ANKRD28: variants seen among roughly 807,000 people sequenced by gnomAD.
ANKRD28 encodes serine/threonine-protein phosphatase 6 regulatory ankyrin repeat subunit A.
ANKRD28 carries 44 observed loss-of-function variants against 126.5 expected under a neutral mutation model. The ratio of observed to expected loss-of-function variants is 0.35; its 90% confidence interval spans 0.27 to 0.45. The LOEUF (loss-of-function observed/expected upper bound fraction) is 0.45, where lower values mean the gene tolerates loss of function less well. ANKRD28 is among the 20% of genes least tolerant of loss of function. The pLI is 1.00. For synonymous variants in ANKRD28, 442 were observed against 468.5 expected, an observed-to-expected ratio of 0.94 and a Z score of 0.73; for missense variants, 1,110 against 1,316.6, an observed-to-expected ratio of 0.84 and a Z score of 2.43.
At chr3:15,835,506 T>G (rs529239570) in intron 1 of ANKRD28, among the ~76,000 whole-genome samples, 1 of 152,366 alleles carries the variant, frequency 6.6e-6, no homozygotes, top group South Asian at 2.1e-4. Flanking sequence ...CTGCCATCTC[T>G]AAACAAACAT....
chr3:15,675,400 T>G (rs1383192987), intron 27 of ANKRD28, among the ~76,000 whole-genome samples: 1 of 152,050 alleles, frequency 6.6e-6, no homozygotes, highest in Non-Finnish European at 1.5e-5. Context: ...GCAGTGAGAT[T>G]TATAAATTAT....
At chr3:15,714,236 G>C (rs1313181397) in intron 9 of ANKRD28, among the ~76,000 whole-genome samples, 1 of 152,006 alleles carries the variant, frequency 6.6e-6, no homozygotes, top group Non-Finnish European at 1.5e-5. Context: ...AGGGGAAAAT[G>C]ATACATGTAT....
chr3:15,729,870 T>C (rs1183449912), intron 6 of ANKRD28, among the ~76,000 whole-genome samples: 1 of 152,048 alleles, frequency 6.6e-6, no homozygotes, highest in Non-Finnish European at 1.5e-5. Flanking sequence ...TGCAATGAGG[T>C]GTTAAGGTAA....
At chr3:15,671,006 G>T (rs1000614543) in intron 27 of ANKRD28, among the ~76,000 whole-genome samples, 1 of 152,184 alleles carries the variant, frequency 6.6e-6, no homozygotes, top group Non-Finnish European at 1.5e-5. Flanking sequence ...TTGATGCTAA[G>T]AAATCTTAAA....
rs2061171470 is a variant in ANKRD28 at position 15,830,757 on chromosome 3, T to A, written c.27+28620A>T. On this transcript the variant is annotated intron_variant, in intron 1 of 27. Transcript: ENST00000399451. The surrounding 1 kb of genome is among the most constrained non-coding windows in gnomAD (Gnocchi z 4.5). ...TGTCCTGCTTGATAAAGAGTCGTTG[T>A]TTACCTGGGGGCTTTGGTCCATGAC... 6.6e-6 allele frequency among the ~76,000 whole-genome samples: 1 copy of A among 152,048 alleles called. No individual in the cohort carries two copies. Among genetic ancestry groups the A allele is most frequent in the Non-Finnish European group, 1.5e-5 (1 of 68,004 alleles).
chr3:15,819,307 T>G (rs2060894331), intron 1 of ANKRD28, among the ~76,000 whole-genome samples: 1 of 152,146 alleles, frequency 6.6e-6, no homozygotes, highest in Non-Finnish European at 1.5e-5. Flanking sequence ...AAGATAGTGA[T>G]ATTGGAGTAA....
chr3:15,709,481 A>G (rs1575301154), intron 13 of ANKRD28, among the ~76,000 whole-genome samples, 187 bp downstream of exon 13: 1 of 152,130 alleles, frequency 6.6e-6, no homozygotes, highest in South Asian at 2.1e-4. Context: ...TGTGGTAGGG[A>G]CTCAAGAAGA....
At chr3:15,819,466 A>C (rs1455640076) in intron 1 of ANKRD28, among the ~76,000 whole-genome samples, 8 of 152,212 alleles carry the variant, frequency 5.3e-5, no homozygotes, top group Non-Finnish European at 1.2e-4. Flanking sequence ...AAACAACTGG[A>C]TAATTCATTT....
intron 1 of ANKRD28, among the ~76,000 whole-genome samples, chr3:15,822,069 T>C (rs144983361): frequency 2.1e-3 from 322 of 152,260 alleles, no homozygotes; most frequent in African/African-American, 7.4e-3. Flanking sequence ...AAAGCTCCCA[T>C]ATATAATAGA....
At chr3:15,694,300 G>C (rs945595236) in intron 17 of ANKRD28, among the ~76,000 whole-genome samples, 7 of 152,240 alleles carry the variant, frequency 4.6e-5, no homozygotes, top group African/African-American at 1.7e-4. Context: ...TAAAGGACCA[G>C]TGAACACACA....
chr3:15,691,995 C>A (rs1327282327), intron 17 of ANKRD28, among the ~76,000 whole-genome samples: 1 of 151,818 alleles, frequency 6.6e-6, no homozygotes, highest in African/African-American at 2.4e-5. Context: ...AATAAATAAG[C>A]TGGACCTGGT....
intron 18 of ANKRD28, among the ~76,000 whole-genome samples, chr3:15,686,607 G>A (rs1399993936): frequency 2.0e-5 from 3 of 152,148 alleles, no homozygotes; most frequent in African/African-American, 7.2e-5. Flanking sequence ...ATGTGGTCAG[G>A]AAGAGTGCCT....
Position 15,838,785 on chromosome 3 carries a change from C to A in ANKRD28, c.27+20592G>T, listed in dbSNP as rs565570694. Among the ~76,000 whole-genome samples the A allele has an allele frequency of 6.6e-6, 1 of 151,952 alleles. No individual in the cohort carries two copies. The highest frequency in any genetic ancestry group is 2.4e-5 in the African/African-American group (1 of 41,456). On this transcript the variant is annotated intron_variant, in intron 1 of 27. Transcript: ENST00000399451. The surrounding 1 kb of genome is among the most constrained non-coding windows in gnomAD (Gnocchi z 4.0). ...AAAATCTTCGCAAGAGAAGTTAAAA[C>A]GTGTCCATACACAGACTCATACATG...
At chr3:15,810,312 A>G (rs1302358325) in intron 1 of ANKRD28, among the ~76,000 whole-genome samples, 1 of 152,130 alleles carries the variant, frequency 6.6e-6, no homozygotes, top group African/African-American at 2.4e-5. Context: ...AATACCATTG[A>G]TAAGTATTTC....
intron 9 of ANKRD28, among the ~76,000 whole-genome samples, 175 bp downstream of exon 9, chr3:15,714,403 G>T (rs1233820329): frequency 6.6e-6 from 1 of 151,882 alleles, no homozygotes; most frequent in Admixed American, 6.6e-5. Context: ...GAAAGATACA[G>T]CTACGTGGTA....
chr3:15,704,783 C>A (rs1381515044), intron 14 of ANKRD28, among the ~76,000 whole-genome samples: 2 of 152,194 alleles, frequency 1.3e-5, no homozygotes, highest in African/African-American at 2.4e-5. Flanking sequence ...TAAAAGGATG[C>A]CTCTGGTATC....
chr3:15,708,378 A>C (rs1347154469), intron 13 of ANKRD28, among the ~76,000 whole-genome samples: 1 of 152,162 alleles, frequency 6.6e-6, no homozygotes, highest in Non-Finnish European at 1.5e-5. Context: ...AAATGTGAAA[A>C]CTTTCATTTT....
chr3:15,692,084 G>A (rs2068875930), intron 17 of ANKRD28, among the ~76,000 whole-genome samples: 1 of 149,982 alleles, frequency 6.7e-6, no homozygotes, highest in African/African-American at 2.4e-5. Flanking sequence ...AGGCTGCAGT[G>A]AGCTGGGAAT....
chr3:15,767,027 T>C (rs1199299065), intron 2 of ANKRD28, among the ~76,000 whole-genome samples: 8 of 152,224 alleles, frequency 5.3e-5, no homozygotes, highest in African/African-American at 9.6e-5. Context: ...GACATTATAC[T>C]TTAAAGCAAT....
Sources: allele counts gnomAD v4.1 joint callset (sites outside exome capture counted in the v4.1 genomes callset), GRCh38; gene constraint gnomAD v4.1.1; non-coding constraint Gnocchi (gnomAD v3.1); transcripts MANE v1.5; gene names NCBI Gene and HGNC (gene_info 2026-07-23, HGNC 2026-07-21).